ASB3: variants seen among roughly 807,000 people sequenced by gnomAD.
ASB3 encodes the protein ankyrin repeat and SOCS box protein 3.
ASB3 carries 41 observed loss-of-function variants against 54.5 expected under a neutral mutation model. The ratio of observed to expected loss-of-function variants is 0.75; its 90% confidence interval spans 0.59 to 0.98. ASB3 has a LOEUF of 0.98. ASB3 is among the 50% of genes least tolerant of loss of function. The probability of loss-of-function intolerance (pLI) is 0.00; values close to 1 mark genes in which losing one functional copy is unlikely to be tolerated. For synonymous variants in ASB3, 266 were observed against 221.2 expected (o/e 1.20, Z -1.80); for missense variants, 733 against 620.0 (o/e 1.18, Z -1.94).
intron 9 of ASB3, among the ~76,000 whole-genome samples, chr2:53,692,484 C>T (rs1414626876): frequency 6.6e-6 from 1 of 151,966 alleles, no homozygotes; most frequent in Admixed American, 6.6e-5. Flanking sequence ...AATCTTCAGC[C>T]AAAATAAAAA....
In ASB3 at chr2:53,754,477, A is replaced by G. The variant is rs533449882; in HGVS notation, c.197-3536T>C. The stretch of plus-strand genomic sequence containing the variant: ...GGCACTTCTCACACAGGTGAGAAAT[A>G]CTGAAGTCAATTTACTACTAACTTG... On this transcript the variant is annotated intron_variant, in intron 2 of 9. Coordinates refer to ENST00000263634, the MANE Select transcript of ASB3 (RefSeq NM_016115.5). 2.0e-5 allele frequency among the ~76,000 whole-genome samples: 3 copies of G among 152,332 alleles called. No individual in the cohort carries two copies. The South Asian group carries it at 6.2e-4, about 32-fold the overall frequency.
intron 2 of ASB3, among the ~76,000 whole-genome samples, chr2:53,762,815 C>T (rs1351219145): frequency 1.3e-5 from 2 of 152,100 alleles, no homozygotes; most frequent in South Asian, 4.1e-4. Flanking sequence ...ATAAGAAATA[C>T]AAAAATATGT....
intron 8 of ASB3, among the ~76,000 whole-genome samples, chr2:53,698,430 T>C (rs1669304708): frequency 6.6e-6 from 1 of 152,196 alleles, no homozygotes; most frequent in African/African-American, 2.4e-5. Context: ...TTCCAAAATT[T>C]TCTACTCTTC....
intron 2 of ASB3, among the ~76,000 whole-genome samples, chr2:53,755,132 T>C (rs1483674755): frequency 2.0e-5 from 3 of 152,244 alleles, no homozygotes; most frequent in Non-Finnish European, 4.4e-5. Flanking sequence ...ATTAAAGACA[T>C]TCTTAATGGA....
At chr2:53,772,234 G>A (rs1573014276) in intron 1 of ASB3, among the ~76,000 whole-genome samples, 1 of 152,120 alleles carries the variant, frequency 6.6e-6, no homozygotes, top group African/African-American at 2.4e-5. Flanking sequence ...GAGTGCAGTG[G>A]CGCGATCTCG....
chr2:53,752,182 G>T (rs1315197974), intron 2 of ASB3, among the ~76,000 whole-genome samples: 1 of 152,120 alleles, frequency 6.6e-6, no homozygotes, highest in Admixed American at 6.5e-5. Context: ...TAATAAAAAT[G>T]CCAGTAGAGC....
intron 2 of ASB3, among the ~76,000 whole-genome samples, chr2:53,757,405 C>T (rs1021626607): frequency 2.0e-5 from 3 of 152,202 alleles, no homozygotes; most frequent in Non-Finnish European, 4.4e-5. Flanking sequence ...GAACTCCCGG[C>T]GTTAGCTGGT....
intron 7 of ASB3, among the ~76,000 whole-genome samples, chr2:53,708,566 G>A (rs1225481919): frequency 6.6e-6 from 1 of 152,326 alleles, no homozygotes; most frequent in South Asian, 2.1e-4. Flanking sequence ...GAAGAGTTTG[G>A]AGGGCTCTGA....
intron 1 of ASB3, chr2:53,767,388 T>C (rs559787249): frequency 5.9e-5 from 9 of 152,698 alleles, no homozygotes; most frequent in East Asian, 1.9e-4. Context: ...TGCTGTTATA[T>C]AGGCAAAAAT....
At position 53,714,410 on chromosome 2, in the gene ASB3, A is replaced by T; in HGVS notation, c.954T>A (p.Ser318=). 6.2e-7 allele frequency: 1 copy of T among 1,614,232 alleles called. No individual in the cohort carries two copies. Among genetic ancestry groups the T allele is most frequent in the Middle Eastern group, 1.6e-4 (1 of 6,062 alleles). Residue 318 remains serine, a synonymous_variant, in exon 7 of 10, where the codon TCT becomes TCA. Transcript: ENST00000263634. ...AQACLVFGFS[S]PVCMAFQKDC... is the part of the protein sequence containing the mutation. Reference sequence around the variant, plus strand: ...CCTTTTGGAAAGCCATGCACACAGGAGAACTGAATCCAAAAACAAGGCACG... The same window carrying T: ...CCTTTTGGAAAGCCATGCACACAGGTGAACTGAATCCAAAAACAAGGCACG...
chr2:53,765,878 G>T (rs545904550), intron 1 of ASB3, among the ~76,000 whole-genome samples: 2 of 151,974 alleles, frequency 1.3e-5, no homozygotes, highest in Non-Finnish European at 2.9e-5. Context: ...TTCTGCTCCT[G>T]TTCATACCCC....
At chr2:53,727,036 G>A (rs751369753) in intron 5 of ASB3, among the ~76,000 whole-genome samples, 20 of 152,132 alleles carry the variant, frequency 1.3e-4, no homozygotes, top group South Asian at 4.1e-4. Context: ...ATAGTCCTCC[G>A]GAAGGTATGA....
At position 53,742,369 on chromosome 2, in the gene ASB3, C is replaced by A. The variant is rs369586359; in HGVS notation, c.355+8414G>T. Among the ~76,000 whole-genome samples, 6 of 152,142 alleles carry A rather than the reference C, an allele frequency of 3.9e-5. No homozygotes were observed. The East Asian group carries it at 7.7e-4, about 20-fold the overall frequency. On this transcript the variant is annotated intron_variant, in intron 3 of 9. Coordinates refer to ENST00000263634, the MANE Select transcript of ASB3 (RefSeq NM_016115.5). ...CCCAAGATGAATTATCACAAAGGTACCAGCACAAATCCATACAAAGATACA... is the reference window on the plus strand; with the variant it reads ...CCCAAGATGAATTATCACAAAGGTAACAGCACAAATCCATACAAAGATACA...
At chr2:53,717,009 G>A (rs562327149) in intron 5 of ASB3, among the ~76,000 whole-genome samples, 17 of 152,146 alleles carry the variant, frequency 1.1e-4, no homozygotes, top group Non-Finnish European at 2.4e-4. Context: ...TTGAGGCCAC[G>A]TGTTTGAGAC....
At position 53,670,519 on chromosome 2, in the gene ASB3, G is replaced by C; in HGVS notation, c.1541C>G (p.Ala514Gly). 1 of 1,613,502 alleles carries C rather than the reference G, an allele frequency of 6.2e-7. No homozygotes were observed. Among genetic ancestry groups the C allele is most frequent in the South Asian group, 1.1e-5 (1 of 91,010 alleles). Residue 514 changes from alanine to glycine, a missense_variant, in exon 10 of 10, where the codon GCT (alanine) becomes GGT (glycine). Physicochemically the swap from Ala to Gly is moderately conservative, Grantham distance 60 (BLOSUM62 0). Transcript: ENST00000263634. ...TTCACTGATTTATCCATCTTGAATA[G>C]CTGCCAGTTCTGGAACTTCATACAT... ...LRMYEVPELA[A>G]IQDG
At chr2:53,693,823 C>G in intron 9 of ASB3, 61 bp downstream of exon 9, 1 of 1,570,934 alleles carries the variant, frequency 6.4e-7, no homozygotes, top group Non-Finnish European at 8.7e-7. Flanking sequence ...AATTACAACA[C>G]AGCTAGAGAA....
At chr2:53,780,880 G>A (rs1484323054) in intron 1 of ASB3, among the ~76,000 whole-genome samples, 1 of 152,104 alleles carries the variant, frequency 6.6e-6, no homozygotes, top group Non-Finnish European at 1.5e-5. Context: ...AAAACAAAAA[G>A]GTGTTCATGT....
intron 3 of ASB3, among the ~76,000 whole-genome samples, chr2:53,737,021 T>G (rs375531029): frequency 3.3e-5 from 5 of 152,138 alleles, no homozygotes. Flanking sequence ...AGATATTGAT[T>G]TCTCTTTTTA....
At position 53,701,761 on chromosome 2, in the gene ASB3, A is replaced by C. The variant is rs1177416150; in HGVS notation, c.981-1233T>G. 3.3e-5 allele frequency among the ~76,000 whole-genome samples: 5 copies of C among 152,326 alleles called. No homozygotes were observed. The East Asian group carries it at 9.6e-4, about 29-fold the overall frequency. ...TCAACTTTCAGATACTTTTCAGAAG[A>C]GGTACCTTTAAAATTAACAATGGGT... is the stretch of plus-strand genomic sequence containing the variant. On this transcript the variant is annotated intron_variant, in intron 7 of 9. Coordinates refer to ENST00000263634, the MANE Select transcript of ASB3 (RefSeq NM_016115.5).
Sources: allele counts gnomAD v4.1 joint callset (sites outside exome capture counted in the v4.1 genomes callset), GRCh38; gene constraint gnomAD v4.1.1; transcripts MANE v1.5; gene names NCBI Gene and HGNC (gene_info 2026-07-23, HGNC 2026-07-21).